RIMS1: variants seen among roughly 807,000 people sequenced by gnomAD.
RIMS1 encodes the protein regulating synaptic membrane exocytosis 1.
Under a neutral mutation model 214.1 loss-of-function variants are expected in RIMS1, and 83 were observed. The ratio of observed to expected loss-of-function variants is 0.39; its 90% CI spans 0.32 to 0.47. The LOEUF (loss-of-function observed/expected upper bound fraction) is 0.47. Ranked by LOEUF, RIMS1 falls within the 20% of genes least tolerant of loss-of-function variation. RIMS1 has a pLI of 0.99. For missense variants in RIMS1, 2,050 were observed against 2,161.8 expected (o/e 0.95, Z 1.03); for synonymous variants, 793 against 786.8 (o/e 1.01, Z -0.13).
At chr6:71,979,221 G>A (rs1489198136) in intron 2 of RIMS1, among the ~76,000 whole-genome samples, 1 of 152,034 alleles carries the variant, frequency 6.6e-6, no homozygotes, top group Non-Finnish European at 1.5e-5. Context: ...GTGTGTGTAT[G>A]TGTATGTGTA....
At chr6:72,238,707 A>T (rs763034879) in intron 9 of RIMS1, among the ~76,000 whole-genome samples, 28 of 152,248 alleles carry the variant, frequency 1.8e-4, no homozygotes, top group Non-Finnish European at 3.2e-4. Flanking sequence ...TATTTGCCAG[A>T]CAACTATAAA....
intron 4 of RIMS1, among the ~76,000 whole-genome samples, chr6:72,143,175 T>G (rs141216360): frequency 3.9e-5 from 6 of 152,330 alleles, no homozygotes; most frequent in African/African-American, 1.4e-4. Flanking sequence ...TAAAATTCTC[T>G]TAAATGTGAT....
chr6:72,069,731 G>A (rs1231457560), intron 2 of RIMS1, among the ~76,000 whole-genome samples: 2 of 152,132 alleles, frequency 1.3e-5, no homozygotes, highest in Admixed American at 1.3e-4. Context: ...TTGAGCGTAG[G>A]CCAATTGTAT....
intron 19 of RIMS1, chr6:72,262,529 T>C: frequency 1.0e-6 from 1 of 985,220 alleles, no homozygotes; most frequent in South Asian, 4.7e-5. Context: ...CTTCCTGTCT[T>C]TCATTCTCTA....
intron 4 of RIMS1, among the ~76,000 whole-genome samples, chr6:72,141,119 G>A (rs1386534362): frequency 2.0e-5 from 3 of 151,994 alleles, no homozygotes; most frequent in Non-Finnish European, 4.4e-5. Flanking sequence ...TCTTCTAGGA[G>A]TAGATGTTTT....
At chr6:72,157,317 T>C (rs1167192813) in intron 4 of RIMS1, among the ~76,000 whole-genome samples, 2 of 140,714 alleles carry the variant, frequency 1.4e-5, no homozygotes, top group Non-Finnish European at 3.2e-5. Context: ...GTCAGTGAGA[T>C]CAAATTTTGT....
intron 1 of RIMS1, among the ~76,000 whole-genome samples, chr6:71,936,452 T>A (rs1784498921): frequency 6.6e-6 from 1 of 151,062 alleles, no homozygotes. Context: ...ACCAGCTGCC[T>A]CCCTACACCA....
chr6:72,102,599 C>T (rs2033854711), intron 4 of RIMS1, among the ~76,000 whole-genome samples: 1 of 151,842 alleles, frequency 6.6e-6, no homozygotes, highest in African/African-American at 2.4e-5. Context: ...TATAGAAAGG[C>T]TTATAAAAGG....
chr6:72,087,920 G>A (rs191365608), intron 2 of RIMS1, among the ~76,000 whole-genome samples: 1 of 152,300 alleles, frequency 6.6e-6, no homozygotes, highest in Admixed American at 6.5e-5. Flanking sequence ...TCAGAATTGT[G>A]TAAGCTGAAC....
rs182919259 is a variant in RIMS1, at chr6:72,333,016, A to G, written c.4131-584A>G. On this transcript the variant is annotated intron_variant, in intron 28 of 33. Transcript: ENST00000521978. Reference sequence around the variant, plus strand: ...GAAGTGGAGCATGAGGGGACAAGGAAGGAGGAGGGAAAACTTAATCCAAAA... The same window carrying G: ...GAAGTGGAGCATGAGGGGACAAGGAGGGAGGAGGGAAAACTTAATCCAAAA... Among the ~76,000 whole-genome samples, 6 of 152,002 alleles carry G rather than the reference A, an allele frequency of 3.9e-5. 1 individual carries two copies. The East Asian group carries it at 5.9e-4, about 15-fold the overall frequency.
chr6:72,343,728 G>A (rs113584435), intron 29 of RIMS1, among the ~76,000 whole-genome samples: 2,541 of 151,244 alleles, frequency 0.017, 68 homozygotes, highest in African/African-American at 0.058. Context: ...ACTTCAGGAG[G>A]TCCATAGTGG....
intron 26 of RIMS1, among the ~76,000 whole-genome samples, chr6:72,295,063 C>T (rs917866238): frequency 2.0e-5 from 3 of 151,708 alleles, no homozygotes; most frequent in African/African-American, 7.2e-5. Flanking sequence ...TGAAGCCAAC[C>T]AGTAACTTTT....
intron 19 of RIMS1, chr6:72,261,393 T>C: frequency 1.0e-6 from 1 of 985,692 alleles, no homozygotes; most frequent in Non-Finnish European, 1.2e-6. Context: ...TATGAATGCC[T>C]CTTTAGAAGC....
intron 2 of RIMS1, among the ~76,000 whole-genome samples, chr6:72,014,715 A>G (rs1000069246): frequency 1.3e-5 from 2 of 152,238 alleles, no homozygotes; most frequent in Non-Finnish European, 2.9e-5. Context: ...CCCACAGGCT[A>G]TGAATGAGTT....
At chr6:71,979,518 C>A (rs76054881) in intron 2 of RIMS1, among the ~76,000 whole-genome samples, 10,473 of 152,086 alleles carry the variant, frequency 0.069, 447 homozygotes, top group Middle Eastern at 0.11. Context: ...TCCATATATT[C>A]TACTCAAGTA....
Position 72,084,219 on chromosome 6 carries a change from A to T in RIMS1, c.246-12730A>T, listed in dbSNP as rs1364168293. Among the ~76,000 whole-genome samples, 3 of 152,302 alleles carry T rather than the reference A, an allele frequency of 2.0e-5. No homozygotes were observed. The South Asian group carries it at 6.2e-4, about 32-fold the overall frequency. ...TCTGGAAAAGTTTGCATGGAGTATGATTAGACCTATTTAATATCAGTTGAT... is the reference window on the plus strand; with the variant it reads ...TCTGGAAAAGTTTGCATGGAGTATGTTTAGACCTATTTAATATCAGTTGAT... On this transcript the variant is annotated intron_variant, in intron 2 of 33. Coordinates refer to ENST00000521978, the MANE Select transcript of RIMS1 (RefSeq NM_014989.7).
At chr6:72,106,632 G>A (rs936949295) in intron 4 of RIMS1, among the ~76,000 whole-genome samples, 1 of 152,116 alleles carries the variant, frequency 6.6e-6, no homozygotes, top group Non-Finnish European at 1.5e-5. Context: ...TTCTTGTTTT[G>A]TTTGTTGCTG....
In RIMS1 at chr6:72,276,753, A is replaced by C. The variant is rs548587307; in HGVS notation, c.3482+2321A>C. Among the ~76,000 whole-genome samples, 228 of 152,298 alleles carry C rather than the reference A, an allele frequency of 1.5e-3. 2 individuals carry two copies. The highest frequency in any genetic ancestry group is 5.4e-3 in the African/African-American group (223 of 41,568). Reference sequence around the variant, plus strand: ...GACAAATATGTACGTATAAAATGAGAGATAAATTATGTCCACTAATGCTAC... The same window carrying C: ...GACAAATATGTACGTATAAAATGAGCGATAAATTATGTCCACTAATGCTAC... On this transcript the variant is annotated intron_variant, in intron 23 of 33. Transcript: ENST00000521978.
intron 29 of RIMS1, among the ~76,000 whole-genome samples, chr6:72,369,428 G>A (rs1325385303): frequency 6.6e-6 from 1 of 152,070 alleles, no homozygotes; most frequent in Non-Finnish European, 1.5e-5. Context: ...TATATTAAAA[G>A]ATGTGTTACA....
Sources: gnomAD v4.1 joint callset for allele counts (sites outside exome capture counted in the v4.1 genomes callset) on GRCh38, gnomAD v4.1.1 for gene constraint, MANE v1.5 for transcripts, NCBI Gene and HGNC (gene_info 2026-07-23, HGNC 2026-07-21) for gene names.